Variants in PDSS2 observed in about 807,000 individuals in gnomAD.
PDSS2 encodes decaprenyl diphosphate synthase subunit 2.
PDSS2 carries 31 observed loss-of-function variants against 44.5 expected under a neutral mutation model. The ratio of observed to expected loss-of-function variants is 0.70; its 90% CI spans 0.52 to 0.94. The LOEUF is 0.94. Ranked by LOEUF, PDSS2 falls within the 40% of genes least tolerant of loss-of-function variation. The probability of loss-of-function intolerance (pLI) is 0.00; values close to 1 mark genes in which losing one functional copy is unlikely to be tolerated. For missense variants in PDSS2, 452 were observed against 482.2 expected (o/e 0.94, Z 0.59); for synonymous variants, 157 against 180.3 (o/e 0.87, Z 1.03).
chr6:107,201,757 T>C (rs1317249630), intron 6 of PDSS2, among the ~76,000 whole-genome samples: 2 of 152,206 alleles, frequency 1.3e-5, no homozygotes, highest in Admixed American at 6.5e-5. Flanking sequence ...TTCCCAAATG[T>C]TACAGGCTAT....
chr6:107,256,138 A>C (rs539212428), intron 3 of PDSS2, among the ~76,000 whole-genome samples: 4 of 152,190 alleles, frequency 2.6e-5, no homozygotes, highest in African/African-American at 4.8e-5. Flanking sequence ...CTACAGGTGC[A>C]TGCCACCATG....
intron 1 of PDSS2, among the ~76,000 whole-genome samples, chr6:107,424,096 C>A (rs886541992): frequency 1.5e-5 from 2 of 130,616 alleles, no homozygotes; most frequent in Non-Finnish European, 3.1e-5. Flanking sequence ...GGCTGGATTG[C>A]AGTGGTGCAA....
At chr6:107,349,051 A>G (rs903610322) in intron 1 of PDSS2, among the ~76,000 whole-genome samples, 2 of 152,214 alleles carry the variant, frequency 1.3e-5, no homozygotes, top group African/African-American at 4.8e-5. Context: ...AAAAGTTACA[A>G]GTACAAAGAA....
intron 4 of PDSS2, among the ~76,000 whole-genome samples, chr6:107,227,518 C>T (rs1300537981): frequency 2.0e-5 from 3 of 150,988 alleles, no homozygotes; most frequent in Admixed American, 6.6e-5. Flanking sequence ...GAACTCTTGA[C>T]CAAGTGATCT....
chr6:107,406,240 A>G (rs1285591306), intron 1 of PDSS2, among the ~76,000 whole-genome samples: 2 of 152,208 alleles, frequency 1.3e-5, no homozygotes, highest in African/African-American at 4.8e-5. Context: ...TTTTATGGCT[A>G]TATCAAAAAT....
chr6:107,433,422 A>T (rs1314642760), intron 1 of PDSS2, among the ~76,000 whole-genome samples: 2 of 152,232 alleles, frequency 1.3e-5, no homozygotes, highest in Non-Finnish European at 2.9e-5. Flanking sequence ...AAACAGACAC[A>T]TTAACCAATG....
intron 3 of PDSS2, among the ~76,000 whole-genome samples, chr6:107,273,732 A>G (rs571792860): frequency 1.3e-5 from 2 of 152,334 alleles, no homozygotes; most frequent in South Asian, 4.1e-4. Context: ...ATCTCTGGAT[A>G]GTGGGATTAT....
At chr6:107,160,402 A>G (rs1554246515) in intron 7 of PDSS2, among the ~76,000 whole-genome samples, 1 of 152,130 alleles carries the variant, frequency 6.6e-6, no homozygotes, top group Non-Finnish European at 1.5e-5. Context: ...ACTGGAGTGC[A>G]GTGGTGGATC....
intron 2 of PDSS2, among the ~76,000 whole-genome samples, chr6:107,287,055 CA>C (rs60313845): frequency 0.77 from 117,490 of 151,778 alleles, 45,550 homozygotes; most frequent in South Asian, 0.89. Context: ...CAAAACAAAA[CA>C]AAAAAAAGGA....
chr6:107,444,829 C>A (rs1426728789), intron 1 of PDSS2, among the ~76,000 whole-genome samples: 1 of 152,100 alleles, frequency 6.6e-6, no homozygotes, highest in Non-Finnish European at 1.5e-5. Context: ...AATCAACACA[C>A]CCTAAGAGAA....
intron 2 of PDSS2, among the ~76,000 whole-genome samples, chr6:107,326,491 C>T (rs368277664): frequency 2.6e-5 from 4 of 152,166 alleles, no homozygotes; most frequent in African/African-American, 7.2e-5. Flanking sequence ...AGAAAATGTT[C>T]GGTCATGATT....
chr6:107,157,744 C>T (rs1770957997), intron 7 of PDSS2, among the ~76,000 whole-genome samples: 1 of 152,006 alleles, frequency 6.6e-6, no homozygotes, highest in Non-Finnish European at 1.5e-5. Flanking sequence ...GATCTTGGCT[C>T]ACTGCAACCT....
At chr6:107,455,138 G>A (rs757127428) in intron 1 of PDSS2, among the ~76,000 whole-genome samples, 2 of 151,036 alleles carry the variant, frequency 1.3e-5, no homozygotes, top group Non-Finnish European at 2.9e-5. Context: ...TTCCAGTTCT[G>A]TCACTGTACT....
At position 107,173,032 on chromosome 6, in the gene PDSS2, G is replaced by A. The variant is rs556893813; in HGVS notation, c.1042-18255C>T. Among the ~76,000 whole-genome samples, 21 of 151,428 alleles carry A rather than the reference G, an allele frequency of 1.4e-4. No homozygotes were observed. In the East Asian group the frequency reaches 2.7e-3, roughly 20 times the overall value. On this transcript the variant is annotated intron_variant, in intron 7 of 7. Transcript: ENST00000369037. ...CCAGCTACTGGGGAGGCTGAGGCGG[G>A]AGAATCGCTTGAACCCAGGAGGCGG...
At chr6:107,407,204 C>G (rs1780348542) in intron 1 of PDSS2, among the ~76,000 whole-genome samples, 1 of 152,114 alleles carries the variant, frequency 6.6e-6, no homozygotes, top group Non-Finnish European at 1.5e-5. Flanking sequence ...AAATAAAGAA[C>G]AAACATTGTA....
chr6:107,273,379 T>C (rs1775670832), intron 3 of PDSS2, among the ~76,000 whole-genome samples: 3 of 152,160 alleles, frequency 2.0e-5, no homozygotes, highest in Admixed American at 2.0e-4. Flanking sequence ...TCTAGGTCTT[T>C]ATCTTAAAGA....
At chr6:107,308,307 A>G (rs1251849853) in intron 2 of PDSS2, among the ~76,000 whole-genome samples, 1 of 152,224 alleles carries the variant, frequency 6.6e-6, no homozygotes, top group African/African-American at 2.4e-5. Context: ...AACCTAGATT[A>G]TCTGATTATA....
At chr6:107,417,915 A>G (rs1302775302) in intron 1 of PDSS2, among the ~76,000 whole-genome samples, 1 of 152,208 alleles carries the variant, frequency 6.6e-6, no homozygotes, top group Non-Finnish European at 1.5e-5. Flanking sequence ...TAAAATATAT[A>G]ATCACAGATA....
chr6:107,297,496 C>A (rs1776548962), intron 2 of PDSS2, among the ~76,000 whole-genome samples: 1 of 151,614 alleles, frequency 6.6e-6, no homozygotes, highest in Admixed American at 6.6e-5. Flanking sequence ...CATTCTCCTG[C>A]CTCAGCCTCC....
Sources: allele counts gnomAD v4.1 joint callset (sites outside exome capture counted in the v4.1 genomes callset), GRCh38; gene constraint gnomAD v4.1.1; transcripts MANE v1.5; gene names NCBI Gene and HGNC (gene_info 2026-07-23, HGNC 2026-07-21).